The following EXT1 variants were observed in gnomAD, a reference collection of about 807,000 sequenced individuals.
The protein encoded by EXT1 is exostosin-1.
Under a neutral mutation model 82.5 loss-of-function variants are expected in EXT1, and 20 were observed. That is an observed-to-expected ratio of 0.24 (90% CI 0.17 to 0.35). The LOEUF is 0.35. Among genes scored for constraint, EXT1 ranks in the 10% least tolerant of loss-of-function variants. EXT1 has a pLI of 1.00. For missense variants in EXT1, 757 were observed against 936.5 expected (o/e 0.81, Z 2.50); for synonymous variants, 348 against 350.8 (o/e 0.99, Z 0.09).
At chr8:118,056,119 T>C (rs1816790212) in intron 1 of EXT1, among the ~76,000 whole-genome samples, 2 of 152,310 alleles carry the variant, frequency 1.3e-5, no homozygotes, top group South Asian at 2.1e-4. Flanking sequence ...TTTAAAAGTT[T>C]ACGAATTTGT....
At chr8:118,064,228 G>A (rs1307754235) in intron 1 of EXT1, among the ~76,000 whole-genome samples, 3 of 151,856 alleles carry the variant, frequency 2.0e-5, no homozygotes, top group African/African-American at 7.3e-5. Context: ...TGTGCAGAAT[G>A]TGCAGGTTTG....
In EXT1 at chr8:118,111,134, T is replaced by C; in HGVS notation, c.-88A>G. ...ACACTTTCAGCTCCAGTCCGCCATC[T>C]TCCCGCCTGTAAAGACTTCAAACTC... On this transcript the variant is annotated 5_prime_UTR_variant, in exon 1 of 11. Coordinates refer to ENST00000378204, the MANE Select transcript of EXT1 (RefSeq NM_000127.3). 1 of 1,523,138 alleles carries C rather than the reference T, an allele frequency of 6.6e-7. No individual in the cohort carries two copies. Among genetic ancestry groups the C allele is most frequent in the Non-Finnish European group, 8.8e-7 (1 of 1,136,276 alleles). The allele number at this position is 1,523,138 out of a possible 1,614,324, so 94.4% of individuals were successfully genotyped here. A position where few individuals can be genotyped will look rare whatever the true frequency, so the allele number is the denominator to read the frequency against.
intron 1 of EXT1, among the ~76,000 whole-genome samples, chr8:118,080,227 A>G (rs1330526741): frequency 6.6e-6 from 1 of 152,226 alleles, no homozygotes; most frequent in Non-Finnish European, 1.5e-5. Context: ...TTCAGCTGAT[A>G]AATGTGACTT....
chr8:118,065,731 A>G (rs796774016), intron 1 of EXT1, among the ~76,000 whole-genome samples: 30 of 152,366 alleles, frequency 2.0e-4, no homozygotes, highest in African/African-American at 7.2e-4. Context: ...ACCAAAAACA[A>G]GCTTTTAAAA....
chr8:117,998,828 G>T (rs1815601001), intron 1 of EXT1, among the ~76,000 whole-genome samples: 1 of 152,192 alleles, frequency 6.6e-6, no homozygotes, highest in Non-Finnish European at 1.5e-5. Context: ...GATTACAGAA[G>T]TCAGCACTGC....
At chr8:117,839,794 C>G (rs139546935) in intron 1 of EXT1, among the ~76,000 whole-genome samples, 1 of 152,336 alleles carries the variant, frequency 6.6e-6, no homozygotes, top group African/African-American at 2.4e-5. Context: ...TGCTTAAATC[C>G]ACTCATTTAT....
At chr8:117,861,500 T>TGAGATAGAG (rs1490159075) in intron 1 of EXT1, among the ~76,000 whole-genome samples, 4 of 114,722 alleles carry the variant, frequency 3.5e-5, no homozygotes, top group Non-Finnish European at 6.2e-5. Context: ...TTTTTTTTTT[T>TGAGATAGAG]TTTTTTTTTT....
rs931037969 is a variant in EXT1 at position 117,795,931 on chromosome 8, C to T, written c.*3781G>A. 1 of 152,098 alleles carries T rather than the reference C, an allele frequency of 6.6e-6. No individual in the cohort carries two copies. The highest frequency in any genetic ancestry group is 6.5e-5 in the Admixed American group (1 of 15,270). The allele number at this position is 152,098 out of a possible 1,614,324, so 9.4% of individuals were successfully genotyped here. A position where few individuals can be genotyped will look rare whatever the true frequency, so the allele number is the denominator to read the frequency against. ...TTGCTGAGAACTCAACTCAAAACAA[C>T]TTTGTCCCTGTAAGCATGCCTGAGA... On this transcript the variant is annotated 3_prime_UTR_variant, in exon 11 of 11. Coordinates refer to ENST00000378204, the MANE Select transcript of EXT1 (RefSeq NM_000127.3).
intron 1 of EXT1, among the ~76,000 whole-genome samples, chr8:118,037,716 ATTATC>A (rs1416255507): frequency 2.0e-5 from 3 of 151,960 alleles, no homozygotes; most frequent in African/African-American, 4.8e-5. Flanking sequence ...CTCAAAATCT[ATTATC>A]TTATTTATGA....
At chr8:117,807,642 C>T (rs564163677) in intron 8 of EXT1, among the ~76,000 whole-genome samples, 2 of 152,128 alleles carry the variant, frequency 1.3e-5, no homozygotes, top group South Asian at 4.1e-4. Context: ...TTTAAAAATC[C>T]AGTCTGTTCA....
chr8:118,028,669 C>G (rs1193612711), intron 1 of EXT1, among the ~76,000 whole-genome samples: 1 of 151,966 alleles, frequency 6.6e-6, no homozygotes, highest in Non-Finnish European at 1.5e-5. Flanking sequence ...GTGGCTCATG[C>G]CTGTAATCCC....
chr8:117,883,683 G>C (rs1368717412), intron 1 of EXT1, among the ~76,000 whole-genome samples: 2 of 152,316 alleles, frequency 1.3e-5, no homozygotes, highest in South Asian at 2.1e-4. Flanking sequence ...AAGTCCACTA[G>C]CGAAGCAATC....
chr8:117,896,577 C>T (rs1053053477), intron 1 of EXT1, among the ~76,000 whole-genome samples: 1 of 152,194 alleles, frequency 6.6e-6, no homozygotes, highest in Non-Finnish European at 1.5e-5. Flanking sequence ...CATTACCGAG[C>T]CATCATCCAG....
intron 1 of EXT1, among the ~76,000 whole-genome samples, chr8:117,919,061 A>T (rs1813807002): frequency 6.6e-6 from 1 of 152,102 alleles, no homozygotes; most frequent in Non-Finnish European, 1.5e-5. Flanking sequence ...TCCTGTGGAG[A>T]CCTTTGTTTT....
intron 1 of EXT1, among the ~76,000 whole-genome samples, chr8:118,067,905 C>A (rs1310809912): frequency 3.3e-5 from 5 of 152,164 alleles, no homozygotes; most frequent in African/African-American, 1.2e-4. Context: ...TTTATTTTCC[C>A]ACTGTGGAAG....
intron 1 of EXT1, among the ~76,000 whole-genome samples, chr8:117,911,936 C>T (rs937828428): frequency 1.3e-5 from 2 of 151,994 alleles, no homozygotes; most frequent in African/African-American, 4.8e-5. Context: ...TTCTTTCTCA[C>T]GGGAGCTATG....
At chr8:117,936,423 G>T (rs1403475873) in intron 1 of EXT1, among the ~76,000 whole-genome samples, 1 of 152,150 alleles carries the variant, frequency 6.6e-6, no homozygotes, top group Admixed American at 6.5e-5. Context: ...CACAATAAAT[G>T]ACCAAATTAG....
At chr8:117,970,584 C>T (rs1427482014) in intron 1 of EXT1, among the ~76,000 whole-genome samples, 21 of 152,114 alleles carry the variant, frequency 1.4e-4, no homozygotes, top group East Asian at 1.9e-4. Context: ...GGATTACAGG[C>T]GTGAGCCACC....
At chr8:118,080,586 G>A (rs1487541619) in intron 1 of EXT1, among the ~76,000 whole-genome samples, 1 of 152,064 alleles carries the variant, frequency 6.6e-6, no homozygotes, top group Non-Finnish European at 1.5e-5. Flanking sequence ...GTATTCTGCA[G>A]GCGTTGGGCA....
Sources: allele counts gnomAD v4.1 joint callset (sites outside exome capture counted in the v4.1 genomes callset), GRCh38; gene constraint gnomAD v4.1.1; transcripts MANE v1.5; gene names NCBI Gene and HGNC (gene_info 2026-07-23, HGNC 2026-07-21).